The following KIAA1217 variants were observed in gnomAD, a reference collection of about 807,000 sequenced individuals.
KIAA1217 encodes KIAA1217.
A neutral mutation model predicts 163.9 loss-of-function variants in KIAA1217; 88 were observed. The observed-to-expected ratio is 0.54, with a 90% CI of 0.45 to 0.64. The LOEUF (loss-of-function observed/expected upper bound fraction) is 0.64. KIAA1217 is among the 30% of genes least tolerant of loss of function. The pLI is 0.00. For synonymous variants in KIAA1217, 903 were observed against 923.1 expected (o/e 0.98, Z 0.39); for missense variants, 2,372 against 2,475.0 (o/e 0.96, Z 0.88).
chr10:23,734,731 A>G (rs1489975918), intron 1 of KIAA1217, among the ~76,000 whole-genome samples: 1 of 152,214 alleles, frequency 6.6e-6, no homozygotes, highest in Non-Finnish European at 1.5e-5. Context: ...TCTGTGAGTC[A>G]TCCATGTTGC....
intron 1 of KIAA1217, among the ~76,000 whole-genome samples, chr10:23,696,990 A>T (rs1332254922): frequency 6.6e-6 from 1 of 152,250 alleles, no homozygotes; most frequent in Admixed American, 6.5e-5. Context: ...GGCAAGAGGG[A>T]AGAGAAAATA....
Position 24,147,745 on chromosome 10 carries a change from A to C in KIAA1217, c.-170-71881A>C, listed in dbSNP as rs569272719. 3.5e-5 allele frequency among the ~76,000 whole-genome samples: 5 copies of C among 141,086 alleles called. No individual in the cohort carries two copies. The South Asian group carries it at 1.2e-3, about 35-fold the overall frequency. The allele number at this position is 141,086 out of a possible 152,430, so 92.6% of individuals were successfully genotyped here. A position where few individuals can be genotyped will look rare whatever the true frequency, so the allele number is the denominator to read the frequency against. On this transcript the variant is annotated intron_variant, in intron 2 of 18. Transcript: ENST00000376462. The stretch of plus-strand genomic sequence containing the variant: ...CTACTCAGGAGGCTGATGCAGGAGA[A>C]TGGCTTGAACCTGGGAGGCAGAGGT...
chr10:23,928,351 T>C (rs565108846), intron 1 of KIAA1217, among the ~76,000 whole-genome samples: 1 of 152,338 alleles, frequency 6.6e-6, no homozygotes, highest in Admixed American at 6.5e-5. Flanking sequence ...AGAAAGCAGC[T>C]TCCCAGAATT....
intron 2 of KIAA1217, among the ~76,000 whole-genome samples, chr10:24,165,971 C>T (rs1256302313): frequency 1.3e-5 from 2 of 152,174 alleles, no homozygotes; most frequent in East Asian, 1.9e-4. Flanking sequence ...ACCCTTGGTG[C>T]TGTAGACTCA....
chr10:24,375,890 G>A (rs1368120659), intron 2 of KIAA1217, among the ~76,000 whole-genome samples: 1 of 152,184 alleles, frequency 6.6e-6, no homozygotes, highest in African/African-American at 2.4e-5. Context: ...ACATTTGCAG[G>A]TTCATTTTCT....
chr10:24,129,873 A>G (rs1352118767), intron 2 of KIAA1217, among the ~76,000 whole-genome samples: 5 of 151,880 alleles, frequency 3.3e-5, no homozygotes, highest in African/African-American at 4.8e-5. Flanking sequence ...AAGATTCATG[A>G]TCTTAGGCCT....
intron 2 of KIAA1217, among the ~76,000 whole-genome samples, chr10:24,267,104 G>A (rs911211590): frequency 3.3e-5 from 5 of 152,174 alleles, no homozygotes; most frequent in Non-Finnish European, 5.9e-5. Flanking sequence ...TATAATTGGA[G>A]GTGAGGAGTT....
At chr10:24,178,233 T>A (rs2066001043) in intron 2 of KIAA1217, among the ~76,000 whole-genome samples, 1 of 152,260 alleles carries the variant, frequency 6.6e-6, no homozygotes, top group Non-Finnish European at 1.5e-5. Flanking sequence ...CTTTTAGAGC[T>A]GTTTATTGTT....
intron 1 of KIAA1217, among the ~76,000 whole-genome samples, chr10:23,881,727 A>G (rs142560618): frequency 6.6e-6 from 1 of 152,064 alleles, no homozygotes; most frequent in African/African-American, 2.4e-5. Flanking sequence ...CACTGAATGA[A>G]GAGGGCAGCT....
intron 1 of KIAA1217, among the ~76,000 whole-genome samples, chr10:23,852,418 C>A (rs542744813): frequency 7.9e-5 from 12 of 152,218 alleles, no homozygotes; most frequent in African/African-American, 2.2e-4. Flanking sequence ...GTTACTGTAG[C>A]CTTGTAGTAT....
At chr10:24,539,834 C>A (rs1464682970) in intron 17 of KIAA1217, among the ~76,000 whole-genome samples, 1 of 152,178 alleles carries the variant, frequency 6.6e-6, no homozygotes, top group African/African-American at 2.4e-5. Context: ...TTTCTCCTGT[C>A]ATCACTGAAA....
At chr10:23,977,858 T>C (rs1293879154) in intron 1 of KIAA1217, among the ~76,000 whole-genome samples, 1 of 152,170 alleles carries the variant, frequency 6.6e-6, no homozygotes, top group Non-Finnish European at 1.5e-5. Flanking sequence ...AGCAGCCCTC[T>C]AATTTGAAAA....
At chr10:23,804,596 C>CA (rs1029154517) in intron 1 of KIAA1217, among the ~76,000 whole-genome samples, 5 of 152,126 alleles carry the variant, frequency 3.3e-5, no homozygotes, top group African/African-American at 1.2e-4. Context: ...GGTGCTTCTG[C>CA]AGTCTAGACT....
chr10:24,408,842 A>G (rs1266170089), intron 3 of KIAA1217, among the ~76,000 whole-genome samples: 1 of 152,154 alleles, frequency 6.6e-6, no homozygotes, highest in East Asian at 1.9e-4. Context: ...ATTTCCCTAT[A>G]GAGGACTAAT....
At chr10:24,064,668 G>A (rs2060866986) in intron 2 of KIAA1217, among the ~76,000 whole-genome samples, 1 of 152,148 alleles carries the variant, frequency 6.6e-6, no homozygotes, top group Non-Finnish European at 1.5e-5. Context: ...AATGAGTTAG[G>A]GAAGATTCCC....
At chr10:23,746,450 G>A (rs572285342) in intron 1 of KIAA1217, among the ~76,000 whole-genome samples, 1 of 152,174 alleles carries the variant, frequency 6.6e-6, no homozygotes, top group East Asian at 1.9e-4. Context: ...TCGAGACAGA[G>A]TCTTGCTCTG....
chr10:23,790,387 A>C (rs573846648), intron 1 of KIAA1217, among the ~76,000 whole-genome samples: 1 of 88,388 alleles, frequency 1.1e-5, no homozygotes, highest in South Asian at 2.8e-4. Flanking sequence ...GTATATATAC[A>C]TATGTATATA....
At chr10:23,891,020 T>C (rs1841394930) in intron 1 of KIAA1217, among the ~76,000 whole-genome samples, 1 of 152,000 alleles carries the variant, frequency 6.6e-6, no homozygotes, top group South Asian at 2.1e-4. Context: ...TCTTTTGCCT[T>C]GAAGACCATT....
chr10:23,782,803 C>G (rs1564415313), intron 1 of KIAA1217, among the ~76,000 whole-genome samples: 1 of 152,018 alleles, frequency 6.6e-6, no homozygotes, highest in East Asian at 1.9e-4. Context: ...TTACTTTTTC[C>G]TTCCCAATTT....
Sources: gnomAD v4.1 joint callset for allele counts (sites outside exome capture counted in the v4.1 genomes callset) on GRCh38, gnomAD v4.1.1 for gene constraint, MANE v1.5 for transcripts, NCBI Gene and HGNC (gene_info 2026-07-23, HGNC 2026-07-21) for gene names.